Variants in SPIB observed in about 807,000 individuals in gnomAD.
SPIB encodes Spi-B transcription factor, also known as transcription factor Spi-B.
A neutral mutation model predicts 31.9 loss-of-function variants in SPIB; 7 were observed. That is an observed-to-expected ratio of 0.22 (90% CI 0.12 to 0.41). The LOEUF (loss-of-function observed/expected upper bound fraction) is 0.41. Ranked by LOEUF, SPIB falls within the 10% of genes least tolerant of loss-of-function variation. The pLI is 1.00. For synonymous variants in SPIB, 176 were observed against 158.9 expected, an observed-to-expected ratio of 1.11 and a Z score of -0.81; for missense variants, 327 against 360.2, an observed-to-expected ratio of 0.91 and a Z score of 0.75.
chr19:50,426,341 C>A (rs1432894199), intron 5 of SPIB, among the ~76,000 whole-genome samples: 1 of 152,128 alleles, frequency 6.6e-6, no homozygotes, highest in East Asian at 1.9e-4. Context: ...GTAGGCTGTC[C>A]ATGGCTCTCC....
At chr19:50,422,110 C>T (rs1198360180) in intron 2 of SPIB, among the ~76,000 whole-genome samples, 1 of 152,174 alleles carries the variant, frequency 6.6e-6, no homozygotes, top group Non-Finnish European at 1.5e-5. Context: ...TTCCATTTCC[C>T]CTTGCCCTTC....
chr19:50,423,571 C>T, intron 4 of SPIB, 34 bp from the exon 5 acceptor site: 1 of 1,603,414 alleles, frequency 6.2e-7, no homozygotes, highest in Non-Finnish European at 8.5e-7. Flanking sequence ...GACAAGGGGT[C>T]CCTGGACATG....
At chr19:50,422,399 C>A in intron 2 of SPIB, 74 bp from the exon 3 acceptor site, 2 of 1,394,434 alleles carry the variant, frequency 1.4e-6, no homozygotes, top group East Asian at 2.3e-5. Context: ...GGAGTCTCCC[C>A]AAGGGTCCAG....
rs1344274119 is a variant in SPIB at position 50,428,483 on chromosome 19, C to T, written c.*147C>T. 1.1e-6 allele frequency: 1 copy of T among 934,276 alleles called. No individual in the cohort carries two copies. The allele number at this position is 934,276 out of a possible 1,614,324, so 57.9% of individuals were successfully genotyped here. ...TGGGGTAAGGGGAGTGCTGCCCTGC[C>T]ATAATCCCCAAGCCCAGCCCGGGCC... On this transcript the variant is annotated 3_prime_UTR_variant, in exon 6 of 6. Coordinates refer to ENST00000595883, the MANE Select transcript of SPIB (RefSeq NM_003121.5). This position sits in a 1 kb window ranked among gnomAD's most constrained non-coding sequence, Gnocchi z 6.5.
intron 5 of SPIB, among the ~76,000 whole-genome samples, chr19:50,426,046 T>C (rs942999936): frequency 3.3e-5 from 5 of 151,942 alleles, no homozygotes; most frequent in African/African-American, 1.2e-4. Context: ...CCGTCTCTAC[T>C]AAAAATACAA....
chr19:50,427,825 G>C (rs1422332830), intron 5 of SPIB, among the ~76,000 whole-genome samples: 1 of 151,602 alleles, frequency 6.6e-6, no homozygotes, highest in Non-Finnish European at 1.5e-5. Context: ...GAGGGGGCCT[G>C]GGGCTGACAG....
In SPIB at chr19:50,423,901, G is replaced by A. The variant is rs2039533800; in HGVS notation, c.490+146G>A. ...ACCACCTGCTGGCTGTGTGACCTTG[G>A]GTAAGTGCCTCTACCTCTCTGTGCC... is the stretch of plus-strand genomic sequence containing the variant. On this transcript the variant is annotated intron_variant, in intron 5 of 5. Coordinates refer to ENST00000595883, the MANE Select transcript of SPIB (RefSeq NM_003121.5). 3 of 962,524 alleles carry A rather than the reference G, an allele frequency of 3.1e-6. No homozygotes were observed. In the South Asian group the frequency reaches 5.0e-5, roughly 16 times the overall value. The allele number at this position is 962,524 out of a possible 1,614,324, so 59.6% of individuals were successfully genotyped here.
chr19:50,419,994 G>A (rs2039473761), intron 2 of SPIB, 21 bp downstream of exon 2: 4 of 1,453,608 alleles, frequency 2.8e-6, no homozygotes, highest in Non-Finnish European at 2.7e-6. Flanking sequence ...GCCCCTGGGG[G>A]CCAGGGAGGG....
chr19:50,419,791 G>T, intron 1 of SPIB, 155 bp from the exon 2 acceptor site: 3 of 650,442 alleles, frequency 4.6e-6, no homozygotes, highest in South Asian at 2.5e-5. Flanking sequence ...CCAGCAGGGG[G>T]TAGTGGGGGA....
chr19:50,422,972 G>GC lies in SPIB; in HGVS notation c.279dup (p.Ser94GlnfsTer19). 6.3e-7 allele frequency: 1 copy of GC among 1,577,700 alleles called. No individual in the cohort carries two copies. The highest frequency in any genetic ancestry group is 8.6e-7 in the Non-Finnish European group (1 of 1,159,430). On this transcript the variant is annotated frameshift_variant, in exon 4 of 6. Transcript: ENST00000595883. LOFTEE classifies it high-confidence loss of function. ...CAGCCCTGCAGGGAACCTCGAACTG[G>GC]CCCCCAGCCTGGAGGCCCCGGGGCC...
chr19:50,422,909 C>A lies in SPIB; in HGVS notation c.211C>A (p.Pro71Thr). 1 of 1,607,322 alleles carries A rather than the reference C, an allele frequency of 6.2e-7. No homozygotes were observed. Among genetic ancestry groups the A allele is most frequent in the Non-Finnish European group, 8.5e-7 (1 of 1,175,240 alleles). ...CCCGGCAGCAGCCGCTTTTAGCCAC[C>A]CCCAGGCTGCCCAGCTCTGCTACGA... is the stretch of plus-strand genomic sequence containing the variant. ...FDPAAAAFSH[P>T]QAAQLCYEPP... The change falls in exon 4 of 6, where the codon CCC becomes ACC. Residue 71 changes from proline (P) to threonine (T), a missense_variant. Coordinates refer to ENST00000595883, the MANE Select transcript of SPIB (RefSeq NM_003121.5).
chr19:50,426,518 G>T (rs1343706990), intron 5 of SPIB, among the ~76,000 whole-genome samples: 1 of 152,068 alleles, frequency 6.6e-6, no homozygotes, highest in Admixed American at 6.5e-5. Context: ...TTTTGAGAGG[G>T]AGTTTCGCTC....
At position 50,419,956 on chromosome 19, in the gene SPIB, C is replaced by T. The variant is rs1210060380; in HGVS notation, c.34C>T (p.Pro12Ser). Residue 12 changes from proline to serine, a missense_variant, in exon 2 of 6, where the codon CCA (proline) becomes TCA (serine). Pro to Ser is a moderately conservative substitution (Grantham distance 74). Coordinates refer to ENST00000595883, the MANE Select transcript of SPIB (RefSeq NM_003121.5). Reference sequence around the variant, plus strand: ...TCTCTCCCCCTCCAGGCTCGACGGGCCACACTTCAGCTGTCTGGTGAGTTG... The same window carrying T: ...TCTCTCCCCCTCCAGGCTCGACGGGTCACACTTCAGCTGTCTGGTGAGTTG... ...LALEAAQLDG[P>S]HFSCLYPDGV... The T allele has an allele frequency of 1.3e-6, 2 of 1,520,676 alleles. No homozygotes were observed. Among genetic ancestry groups the T allele is most frequent in the Non-Finnish European group, 8.7e-7 (1 of 1,143,302 alleles). 94.2% of individuals were successfully genotyped at this position (1,520,676 alleles called of 1,614,324 possible). A position where few individuals can be genotyped will look rare whatever the true frequency, so the allele number is the denominator to read the frequency against.
chr19:50,420,297 C>A (rs2039478364), intron 2 of SPIB, among the ~76,000 whole-genome samples: 3 of 152,074 alleles, frequency 2.0e-5, no homozygotes, highest in Admixed American at 2.0e-4. Flanking sequence ...AATACTATAC[C>A]CAACACCCTT....
At chr19:50,423,907 T>C (rs1388509218) in intron 5 of SPIB, 152 bp downstream of exon 5, 1 of 903,678 alleles carries the variant, frequency 1.1e-6, no homozygotes, top group Non-Finnish European at 1.7e-6. Flanking sequence ...CTTGGGTAAG[T>C]GCCTCTACCT....
At chr19:50,424,191 G>C (rs553543227) in intron 5 of SPIB, among the ~76,000 whole-genome samples, 2 of 152,140 alleles carry the variant, frequency 1.3e-5, no homozygotes, top group Non-Finnish European at 2.9e-5. Flanking sequence ...AGCTGAGATC[G>C]TTCCTTCCTT....
intron 5 of SPIB, among the ~76,000 whole-genome samples, chr19:50,425,637 C>T (rs1404345033): frequency 6.6e-6 from 1 of 152,114 alleles, no homozygotes. Flanking sequence ...GGTGAGGTCT[C>T]GCTATGTTGC....
At chr19:50,419,811 A>T in intron 1 of SPIB, 135 bp from the exon 2 acceptor site, 1 of 829,396 alleles carries the variant, frequency 1.2e-6, no homozygotes, top group Non-Finnish European at 1.8e-6. Flanking sequence ...AGTCCGGTGA[A>T]TGTGGTGGGG....
At chr19:50,425,544 G>A (rs1174102587) in intron 5 of SPIB, among the ~76,000 whole-genome samples, 2 of 151,568 alleles carry the variant, frequency 1.3e-5, no homozygotes, top group East Asian at 1.9e-4. Flanking sequence ...GGGCTCAATC[G>A]ATCCTCCTGC....
Sources: allele counts gnomAD v4.1 joint callset (sites outside exome capture counted in the v4.1 genomes callset), GRCh38; gene constraint gnomAD v4.1.1; non-coding constraint Gnocchi (gnomAD v3.1); transcripts MANE v1.5; gene names NCBI Gene and HGNC (gene_info 2026-07-23, HGNC 2026-07-21).